Variants in PEX26 observed in about 807,000 individuals in gnomAD.
PEX26 encodes peroxisomal biogenesis factor 26, also known as peroxisome assembly protein 26.
In PEX26, 18 loss-of-function variants were observed where a neutral mutation model predicts 31.4. The observed-to-expected ratio is 0.57, with a 90% CI of 0.40 to 0.85. The LOEUF (loss-of-function observed/expected upper bound fraction) is 0.85, where lower values mean the gene tolerates loss of function less well. Ranked by LOEUF, PEX26 falls within the 40% of genes least tolerant of loss-of-function variation. The probability of loss-of-function intolerance (pLI) is 0.00; values close to 1 mark genes in which losing one functional copy is unlikely to be tolerated. For missense variants in PEX26, 377 were observed against 383.9 expected, an observed-to-expected ratio of 0.98 and a Z score of 0.15; for synonymous variants, 176 against 166.9, an observed-to-expected ratio of 1.05 and a Z score of -0.42.
rs772139696 is a variant in PEX26, at chr22:18,092,257, C to T, written c.*4182C>T. 1.3e-5 allele frequency: 2 copies of T among 152,286 alleles called. No individual in the cohort carries two copies. Among genetic ancestry groups the T allele is most frequent in the Non-Finnish European group, 2.9e-5 (2 of 68,092 alleles). The allele number at this position is 152,286 out of a possible 1,614,324, so 9.4% of individuals were successfully genotyped here. A position where few individuals can be genotyped will look rare whatever the true frequency, so the allele number is the denominator to read the frequency against. On this transcript the variant is annotated 3_prime_UTR_variant, in exon 5 of 5. Coordinates refer to ENST00000399744, the MANE Select transcript of PEX26 (RefSeq NM_001127649.3). ...GGCCTGGCCAAGGTCGGCCTCACCGCCCTGGCCTAGCACCTTTGGAAACTG... is the reference window on the plus strand; with the variant it reads ...GGCCTGGCCAAGGTCGGCCTCACCGTCCTGGCCTAGCACCTTTGGAAACTG...
rs555326685 is a variant in PEX26, at chr22:18,096,764, G to C, written c.*8689G>C. ...TAAGCCTTTTTATATATTCATTTCA[G>C]ACCATGTTTAATTTTCTAAATATGC... On this transcript the variant is annotated 3_prime_UTR_variant, in exon 5 of 5. Transcript: ENST00000399744. 3 of 152,252 alleles carry C rather than the reference G, an allele frequency of 2.0e-5. No individual in the cohort carries two copies. In the East Asian group the frequency reaches 5.8e-4, roughly 29 times the overall value. 9.4% of individuals were successfully genotyped at this position (152,252 alleles called of 1,614,324 possible).
rs1382777897 is a variant in PEX26 at position 18,093,080 on chromosome 22, A to C, written c.*5005A>C. 2 of 152,182 alleles carry C rather than the reference A, an allele frequency of 1.3e-5. No homozygotes were observed. Among genetic ancestry groups the C allele is most frequent in the African/African-American group, 4.8e-5 (2 of 41,420 alleles). The allele number at this position is 152,182 out of a possible 1,614,324, so 9.4% of individuals were successfully genotyped here. A position where few individuals can be genotyped will look rare whatever the true frequency, so the allele number is the denominator to read the frequency against. On this transcript the variant is annotated 3_prime_UTR_variant, in exon 5 of 5. Coordinates refer to ENST00000399744, the MANE Select transcript of PEX26 (RefSeq NM_001127649.3). The stretch of plus-strand genomic sequence containing the variant: ...TCAGGAGCAGACACGCAGTCCTGGG[A>C]ACCCTTCAATAAGAGCAAAGCAGGA...
chr22:18,088,770 C>G lies in PEX26; in HGVS notation c.*695C>G, dbSNP rs1355356334. ...TCTCAAAACAAACAAAAAAACATGC[C>G]CCACAGGACAGTACCTTAATTAGCT... On this transcript the variant is annotated 3_prime_UTR_variant, in exon 5 of 5. Coordinates refer to ENST00000399744, the MANE Select transcript of PEX26 (RefSeq NM_001127649.3). This position sits in a 1 kb window ranked among gnomAD's most constrained non-coding sequence, Gnocchi z 4.1. The G allele has an allele frequency of 6.0e-6, 1 of 167,800 alleles. No homozygotes were observed. Among genetic ancestry groups the G allele is most frequent in the Non-Finnish European group, 1.3e-5 (1 of 76,462 alleles). 10.4% of individuals were successfully genotyped at this position (167,800 alleles called of 1,614,324 possible). A position where few individuals can be genotyped will look rare whatever the true frequency, so the allele number is the denominator to read the frequency against.
At chr22:18,084,920 A>G (rs1287600777) in intron 3 of PEX26, among the ~76,000 whole-genome samples, 192 bp from the exon 4 acceptor site, 1 of 151,760 alleles carries the variant, frequency 6.6e-6, no homozygotes, top group Non-Finnish European at 1.5e-5. Flanking sequence ...ACGGGGTTTC[A>G]CCATGTTAGC....
At position 18,083,472 on chromosome 22, in the gene PEX26, C is replaced by A; in HGVS notation, c.407C>A (p.Ala136Asp). 6.2e-7 allele frequency: 1 copy of A among 1,614,156 alleles called. No homozygotes were observed. Among genetic ancestry groups the A allele is most frequent in the South Asian group, 1.1e-5 (1 of 91,074 alleles). Residue 136 changes from alanine to aspartate, a missense_variant, in exon 3 of 5, where the codon GCT (alanine) becomes GAT (aspartate). Coordinates refer to ENST00000399744, the MANE Select transcript of PEX26 (RefSeq NM_001127649.3). ...LLYSKMQEPG[A>D]VLDVVGAWLQ... ...TACAGCAAAATGCAAGAGCCTGGAG[C>A]TGTGCTGGATGTGGTGGGTGCCTGG...
At chr22:18,083,753 G>A (rs370484493) in intron 3 of PEX26, 21 bp downstream of exon 3, 3 of 1,612,046 alleles carry the variant, frequency 1.9e-6, no homozygotes, top group Non-Finnish European at 1.7e-6. Flanking sequence ...ATCCCTCTGC[G>A]ACCTCTGTAA....
chr22:18,101,133 A>AAG lies in PEX26; in HGVS notation c.*13062_*13063dup, dbSNP rs1342501943. On this transcript the variant is annotated 3_prime_UTR_variant, in exon 5 of 5. Coordinates refer to ENST00000399744, the MANE Select transcript of PEX26 (RefSeq NM_001127649.3). ...GTATTTTTCCAAAAATAATGCTTAA[A>AAG]AGAGACTTCTAGAAACAGTGGGACT... 2.6e-5 allele frequency: 4 copies of AAG among 152,236 alleles called. No homozygotes were observed. The highest frequency in any genetic ancestry group is 9.6e-5 in the African/African-American group (4 of 41,458). 9.4% of individuals were successfully genotyped at this position (152,236 alleles called of 1,614,324 possible). A position where few individuals can be genotyped will look rare whatever the true frequency, so the allele number is the denominator to read the frequency against.
chr22:18,087,353 G>A (rs1363304783), intron 4 of PEX26, among the ~76,000 whole-genome samples: 1 of 152,152 alleles, frequency 6.6e-6, no homozygotes, highest in Non-Finnish European at 1.5e-5. Flanking sequence ...GGGATTATAG[G>A]CACAAGCCAT....
chr22:18,082,691 T>C (rs148922183), intron 2 of PEX26, among the ~76,000 whole-genome samples: 26 of 152,336 alleles, frequency 1.7e-4, no homozygotes, highest in African/African-American at 6.3e-4. Flanking sequence ...TTTGGGGTCT[T>C]TTGTGGTTCC....
At position 18,087,999 on chromosome 22, in the gene PEX26, A is replaced by C. The variant is rs1363970653; in HGVS notation, c.842A>C (p.Tyr281Ser). 2 of 1,613,372 alleles carry C rather than the reference A, an allele frequency of 1.2e-6. No homozygotes were observed. The highest frequency in any genetic ancestry group is 1.7e-6 in the Non-Finnish European group (2 of 1,179,798). Residue 281 changes from tyrosine (Y) to serine (S), a missense_variant, in exon 5 of 5, where the codon TAC (tyrosine) becomes TCC (serine). By Grantham distance (144) the Tyr-to-Ser change is moderately radical (BLOSUM62 -2). Coordinates refer to ENST00000399744, the MANE Select transcript of PEX26 (RefSeq NM_001127649.3). Reference sequence around the variant, plus strand: ...TCCCCTTCCTCCCTGCACTTCCTCTACAAGCTGGCCCAGCTCTTCCGCTGG... The same window carrying C: ...TCCCCTTCCTCCCTGCACTTCCTCTCCAAGCTGGCCCAGCTCTTCCGCTGG... Reference protein sequence around the residue: ...PASPSSLHFLYKLAQLFRWIR... With the variant: ...PASPSSLHFLSKLAQLFRWIR...
At position 18,098,622 on chromosome 22, in the gene PEX26, A is replaced by T. The variant is rs1411212536; in HGVS notation, c.*10547A>T. 6 of 148,224 alleles carry T rather than the reference A, an allele frequency of 4.0e-5. No individual in the cohort carries two copies. Among genetic ancestry groups the T allele is most frequent in the Non-Finnish European group, 9.0e-5 (6 of 66,876 alleles). 9.2% of individuals were successfully genotyped at this position (148,224 alleles called of 1,614,324 possible). A position where few individuals can be genotyped will look rare whatever the true frequency, so the allele number is the denominator to read the frequency against. On this transcript the variant is annotated 3_prime_UTR_variant, in exon 5 of 5. Transcript: ENST00000399744. ...ACTCCAGTCTGGGCGACAGAGTGAG[A>T]TTCTGTCTCAAAAAAAAGAAAAAAG...
At chr22:18,085,282 G>C in intron 4 of PEX26, 24 bp downstream of exon 4, 1 of 1,613,006 alleles carries the variant, frequency 6.2e-7, no homozygotes. Context: ...ACTCTCCCCT[G>C]TCCTTCCTGG....
rs781559462 is a variant in PEX26 at position 18,079,358 on chromosome 22, G to C, written c.231-516G>C. 4.1e-5 allele frequency: 16 copies of C among 388,768 alleles called. No homozygotes were observed. In the South Asian group the frequency reaches 4.2e-4, roughly 10 times the overall value. 24.1% of individuals were successfully genotyped at this position (388,768 alleles called of 1,614,324 possible). A position where few individuals can be genotyped will look rare whatever the true frequency, so the allele number is the denominator to read the frequency against. On this transcript the variant is annotated intron_variant, in intron 1 of 4. Transcript: ENST00000399744. ...TGACCACAAAGAAGGATGATCTGGA[G>C]AGCCCTGGCTGTGTTTTAGGGGACT... is the stretch of plus-strand genomic sequence containing the variant.
chr22:18,088,136 CAG>C lies in PEX26; in HGVS notation c.*64_*65del, dbSNP rs1240299563. On this transcript the variant is annotated 3_prime_UTR_variant, in exon 5 of 5. Coordinates refer to ENST00000399744, the MANE Select transcript of PEX26 (RefSeq NM_001127649.3). This position sits in a 1 kb window ranked among gnomAD's most constrained non-coding sequence, Gnocchi z 4.1. The stretch of plus-strand genomic sequence containing the variant: ...GTCCGTGGCCACAGAAGCAGAGCGA[CAG>C]AGCGACACATCCACAGGCGCCCCTG... The C allele has an allele frequency of 2.7e-6, 3 of 1,103,054 alleles. No individual in the cohort carries two copies. Among genetic ancestry groups the C allele is most frequent in the Admixed American group, 1.7e-5 (1 of 59,422 alleles). 68.3% of individuals were successfully genotyped at this position (1,103,054 alleles called of 1,614,324 possible).
chr22:18,099,944 C>G lies in PEX26; in HGVS notation c.*11869C>G, dbSNP rs1927403507. ...CCTCAATTACATCAAGATCCTTATT[C>G]CAAATAATGTCACATTCTGAGATTT... On this transcript the variant is annotated 3_prime_UTR_variant, in exon 5 of 5. Transcript: ENST00000399744. The G allele has an allele frequency of 6.6e-6, 1 of 152,204 alleles. No individual in the cohort carries two copies. Among genetic ancestry groups the G allele is most frequent in the Non-Finnish European group, 1.5e-5 (1 of 68,038 alleles). The allele number at this position is 152,204 out of a possible 1,614,324, so 9.4% of individuals were successfully genotyped here.
rs569710588 is a variant in PEX26, at chr22:18,100,990, T to G, written c.*12915T>G. On this transcript the variant is annotated 3_prime_UTR_variant, in exon 5 of 5. Coordinates refer to ENST00000399744, the MANE Select transcript of PEX26 (RefSeq NM_001127649.3). ...ACAGGAATGAATGCCGACTTAGCATTTTTGCCTTCACAGCGCTGGCAACTA... is the reference window on the plus strand; with the variant it reads ...ACAGGAATGAATGCCGACTTAGCATGTTTGCCTTCACAGCGCTGGCAACTA... 8 of 152,334 alleles carry G rather than the reference T, an allele frequency of 5.3e-5. No homozygotes were observed. Among genetic ancestry groups the G allele is most frequent in the South Asian group, 4.1e-4 (2 of 4,822 alleles). 9.4% of individuals were successfully genotyped at this position (152,334 alleles called of 1,614,324 possible). A position where few individuals can be genotyped will look rare whatever the true frequency, so the allele number is the denominator to read the frequency against.
intron 4 of PEX26, 57 bp downstream of exon 4, chr22:18,085,315 G>A: frequency 6.3e-7 from 1 of 1,587,076 alleles, no homozygotes; most frequent in Non-Finnish European, 8.6e-7. Flanking sequence ...GCCAGGGCTG[G>A]GCCTGTGGGA....
At chr22:18,080,324 T>C (rs1926509087) in intron 2 of PEX26, among the ~76,000 whole-genome samples, 1 of 152,064 alleles carries the variant, frequency 6.6e-6, no homozygotes, top group Non-Finnish European at 1.5e-5. Flanking sequence ...AAATTTTGTT[T>C]TGTTTTGTTT....
Position 18,083,613 on chromosome 22 carries a change from G to A in PEX26, c.548G>A (p.Gly183Asp), listed in dbSNP as rs146904462. 38 of 1,614,120 alleles carry A rather than the reference G, an allele frequency of 2.4e-5. No individual in the cohort carries two copies. The African/African-American group carries it at 3.3e-4, about 14-fold the overall frequency. Reference protein sequence around the residue: ...CLSEAEELVVGSAAFGEERRL... With the variant: ...CLSEAEELVVDSAAFGEERRL... ...TCGGAGGCTGAGGAGCTAGTGGTGGGCTCTGCAGCCTTTGGTGAGGAGCGG... is the reference window on the plus strand; with the variant it reads ...TCGGAGGCTGAGGAGCTAGTGGTGGACTCTGCAGCCTTTGGTGAGGAGCGG... The change falls in exon 3 of 5, where the codon GGC becomes GAC. Residue 183 changes from glycine to aspartate, a missense_variant. Gly to Asp is a moderately conservative substitution (Grantham distance 94). Transcript: ENST00000399744.
Sources: gnomAD v4.1 joint callset for allele counts (sites outside exome capture counted in the v4.1 genomes callset) on GRCh38, gnomAD v4.1.1 for gene constraint, Gnocchi (gnomAD v3.1) non-coding constraint, MANE v1.5 for transcripts, NCBI Gene and HGNC (gene_info 2026-07-23, HGNC 2026-07-21) for gene names.